FILIP1: variants seen among roughly 807,000 people sequenced by gnomAD.
FILIP1 encodes the protein filamin-A-interacting protein 1.
A neutral mutation model predicts 102.1 loss-of-function variants in FILIP1; 61 were observed. The ratio of observed to expected loss-of-function variants is 0.60; its 90% CI spans 0.49 to 0.74. The LOEUF is 0.74. Among genes scored for constraint, FILIP1 ranks in the 30% least tolerant of loss-of-function variants. FILIP1 has a pLI of 0.00. For missense variants in FILIP1, 1,314 were observed against 1,441.2 expected (o/e 0.91, Z 1.43); for synonymous variants, 491 against 526.9 (o/e 0.93, Z 0.93).
exon 7 of FILIP1, chr6:75,293,208 A>G (rs1043388349): frequency 3.3e-5 from 5 of 152,222 alleles, no homozygotes; most frequent in African/African-American, 1.2e-4. Context: ...TTCAGAAAAC[A>G]GTTATAATTA....
intron 2 of FILIP1, among the ~76,000 whole-genome samples, chr6:75,403,616 G>A (rs922616832): frequency 1.3e-5 from 2 of 152,040 alleles, no homozygotes; most frequent in African/African-American, 2.4e-5. Context: ...TTCCTTGAGA[G>A]CCCCAATTTA....
chr6:75,433,438 C>T (rs1017390526), intron 1 of FILIP1, among the ~76,000 whole-genome samples: 12 of 152,214 alleles, frequency 7.9e-5, no homozygotes, highest in Non-Finnish European at 1.3e-4. Context: ...TCATGATGAA[C>T]ATTTTTTCAT....
In FILIP1 at chr6:75,315,171, A is replaced by G; in HGVS notation, c.661T>C (p.Tyr221His). Residue 221 changes from tyrosine (Y) to histidine (H), a missense_variant, in exon 5 of 6, where the codon TAT becomes CAT. By Grantham distance (83) the Tyr-to-His change is moderately conservative. Coordinates refer to ENST00000237172, the MANE Select transcript of FILIP1 (RefSeq NM_015687.5). ...TTTTCCTTTTCTTTGCGGGCTTGAT[A>G]AGCCTTTTCTTGTTCAAGGAGCTTT... ...LKKLLEQEKA[Y>H]QARKEKENAK... The G allele has an allele frequency of 6.4e-7, 1 of 1,574,248 alleles. No homozygotes were observed. Among genetic ancestry groups the G allele is most frequent in the South Asian group, 1.2e-5 (1 of 83,334 alleles).
chr6:75,443,003 CCA>C (rs1429228869), intron 1 of FILIP1, among the ~76,000 whole-genome samples: 2 of 152,122 alleles, frequency 1.3e-5, no homozygotes, highest in Admixed American at 1.3e-4. Context: ...TATTTATGGT[CCA>C]CAGTGAAAAA....
intron 1 of FILIP1, among the ~76,000 whole-genome samples, chr6:75,442,624 C>T (rs1254453086): frequency 2.6e-5 from 4 of 152,236 alleles, no homozygotes; most frequent in African/African-American, 9.6e-5. Context: ...TGTGGCAGCG[C>T]GCGCCTGCAA....
intron 2 of FILIP1, among the ~76,000 whole-genome samples, chr6:75,402,457 CA>C (rs1407007603): frequency 6.6e-6 from 1 of 152,134 alleles, no homozygotes; most frequent in Non-Finnish European, 1.5e-5. Flanking sequence ...AGGGTGACCT[CA>C]GCCTGAGATT....
At chr6:75,488,660 T>C (rs1240875506) in intron 1 of FILIP1, among the ~76,000 whole-genome samples, 1 of 152,134 alleles carries the variant, frequency 6.6e-6, no homozygotes, top group Non-Finnish European at 1.5e-5. Context: ...GCCTCAACTT[T>C]TAGAGACTTA....
chr6:75,426,076 T>C (rs917240910), intron 1 of FILIP1, among the ~76,000 whole-genome samples: 1 of 152,094 alleles, frequency 6.6e-6, no homozygotes, highest in African/African-American at 2.4e-5. Context: ...AAACAATACA[T>C]ACATGAATGG....
chr6:75,421,413 C>T (rs1309691876), intron 1 of FILIP1, among the ~76,000 whole-genome samples: 1 of 152,172 alleles, frequency 6.6e-6, no homozygotes, highest in African/African-American at 2.4e-5. Flanking sequence ...AACCAGGACA[C>T]AGGTCCCAGA....
At chr6:75,489,560 T>C (rs1326394282) in intron 1 of FILIP1, among the ~76,000 whole-genome samples, 1 of 152,108 alleles carries the variant, frequency 6.6e-6, no homozygotes, top group African/African-American at 2.4e-5. Context: ...TTATAAGTCA[T>C]TTAATGTTCA....
At position 75,353,564 on chromosome 6, in the gene FILIP1, T is replaced by G; in HGVS notation, c.604A>C (p.Asn202His). Residue 202 changes from asparagine (N) to histidine (H), a missense_variant, in exon 4 of 6, where the codon AAC becomes CAC. This residue lies in a region of FILIP1 where 494 missense variants were observed against 511.2 expected (regional missense o/e 0.97). Transcript: ENST00000237172. ...DYMNKSDDFTNLLEQERERLK... is the reference protein window; with the variant it reads ...DYMNKSDDFTHLLEQERERLK... ...CTCTCCCGCTCCTGCTCCAGCAGGT[T>G]GGTGAAGTCGTCGCTCTTGTTCATG... 6.2e-7 allele frequency: 1 copy of G among 1,614,196 alleles called. No homozygotes were observed. The highest frequency in any genetic ancestry group is 1.1e-5 in the South Asian group (1 of 91,090).
chr6:75,386,410 A>G (rs1776097151), intron 2 of FILIP1: 1 of 152,170 alleles, frequency 6.6e-6, no homozygotes, highest in Non-Finnish European at 1.5e-5. Flanking sequence ...CATGACCTTC[A>G]AGGCCAGTAA....
chr6:75,359,849 G>A (rs562056093), intron 3 of FILIP1, among the ~76,000 whole-genome samples: 16 of 152,144 alleles, frequency 1.1e-4, no homozygotes, highest in Non-Finnish European at 2.2e-4. Context: ...CCTCTAAAGC[G>A]ATGGGCTTCC....
chr6:75,294,486 C>A (rs577303123), exon 7 of FILIP1: 1 of 152,140 alleles, frequency 6.6e-6, no homozygotes, highest in South Asian at 2.1e-4. Context: ...ACTTTAGATG[C>A]ACATTTTCAC....
At chr6:75,327,312 C>T (rs1181285815) in intron 4 of FILIP1, among the ~76,000 whole-genome samples, 1 of 152,130 alleles carries the variant, frequency 6.6e-6, no homozygotes, top group African/African-American at 2.4e-5. Context: ...CTGGCCCAAG[C>T]CACCATCATC....
chr6:75,414,621 G>A, intron 2 of FILIP1, 76 bp downstream of exon 2: 1 of 1,354,540 alleles, frequency 7.4e-7, no homozygotes, highest in Non-Finnish European at 1.0e-6. Context: ...CTCAGAGAGG[G>A]GAACAGATTT....
intron 1 of FILIP1, among the ~76,000 whole-genome samples, chr6:75,480,508 T>C (rs1041440719): frequency 1.3e-5 from 2 of 152,164 alleles, no homozygotes; most frequent in Admixed American, 6.6e-5. Context: ...CCACTGCTCC[T>C]GGCTCAAAAT....
chr6:75,451,558 C>A (rs897875091), intron 1 of FILIP1, among the ~76,000 whole-genome samples: 8 of 152,062 alleles, frequency 5.3e-5, no homozygotes, highest in African/African-American at 1.9e-4. Flanking sequence ...AGGCCAGGCA[C>A]AGTGGCTCCG....
chr6:75,343,554 G>A (rs1774483082), intron 4 of FILIP1, among the ~76,000 whole-genome samples: 2 of 152,090 alleles, frequency 1.3e-5, no homozygotes, highest in African/African-American at 4.8e-5. Context: ...ATCTAAATGG[G>A]AAAGAAGAGG....
Sources: allele counts gnomAD v4.1 joint callset (sites outside exome capture counted in the v4.1 genomes callset), GRCh38; gene constraint gnomAD v4.1.1; regional missense constraint gnomAD v4.1.1; transcripts MANE v1.5; gene names NCBI Gene and HGNC (gene_info 2026-07-23, HGNC 2026-07-21).